The following INPP4A variants were observed in gnomAD, a reference collection of about 807,000 sequenced individuals.
INPP4A encodes inositol polyphosphate-4-phosphatase, type I, 107kD.
In INPP4A, 33 loss-of-function variants were observed where a neutral mutation model predicts 119.8. That is an observed-to-expected ratio of 0.28 (90% CI 0.21 to 0.37). The LOEUF (loss-of-function observed/expected upper bound fraction) is 0.37. Ranked by LOEUF, INPP4A falls within the 10% of genes least tolerant of loss-of-function variation. INPP4A has a pLI of 1.00. For missense variants in INPP4A, 956 were observed against 1,289.9 expected (o/e 0.74, Z 3.97); for synonymous variants, 496 against 500.7 (o/e 0.99, Z 0.12).
intron 1 of INPP4A, among the ~76,000 whole-genome samples, chr2:98,485,324 G>A (rs1679315324): frequency 6.6e-6 from 1 of 152,228 alleles, no homozygotes; most frequent in Non-Finnish European, 1.5e-5. Context: ...CAGGTGAAAA[G>A]GCAGGATGCC....
intron 4 of INPP4A, among the ~76,000 whole-genome samples, chr2:98,523,677 AGCC>A (rs1174514281): frequency 1.3e-5 from 2 of 152,194 alleles, no homozygotes; most frequent in Non-Finnish European, 2.9e-5. Context: ...TACAGGCGTG[AGCC>A]ACCGCGCCTG....
intron 24 of INPP4A, 125 bp downstream of exon 24, chr2:98,577,268 C>G (rs1224350564): frequency 5.8e-6 from 6 of 1,032,898 alleles, no homozygotes; most frequent in Non-Finnish European, 1.4e-6. Context: ...AGCCTTCACA[C>G]TTGAGTTTGA....
At position 98,444,961 on chromosome 2, in the gene INPP4A, C is replaced by G. The variant is rs1439851372; in HGVS notation, c.-290C>G. On this transcript the variant is annotated 5_prime_UTR_variant, in exon 1 of 25. Transcript: ENST00000409851. ...GTGGGCCGGGGCAGGAGGACCAGCA[C>G]CTGAGGCCGGGCCCGCAGCCCGCGA... 1 of 150,670 alleles carries G rather than the reference C, an allele frequency of 6.6e-6. No individual in the cohort carries two copies. Among genetic ancestry groups the G allele is most frequent in the Admixed American group, 6.6e-5 (1 of 15,138 alleles). The allele number at this position is 150,670 out of a possible 1,614,324, so 9.3% of individuals were successfully genotyped here. A position where few individuals can be genotyped will look rare whatever the true frequency, so the allele number is the denominator to read the frequency against.
chr2:98,544,153 T>C (rs992380924), intron 11 of INPP4A, 146 bp downstream of exon 11: 6 of 667,282 alleles, frequency 9.0e-6, no homozygotes, highest in Non-Finnish European at 1.2e-5. Context: ...ACAGACACTT[T>C]AATGGATTTT....
rs80264722 is a variant in INPP4A, at chr2:98,559,306, T to C, written c.1823-157T>C. The stretch of plus-strand genomic sequence containing the variant: ...GCAGCCAGAGTACTTTCGTGAGCCT[T>C]CTTGGGGAAGAGGCAGCCAGGCACC... On this transcript the variant is annotated intron_variant, in intron 16 of 24. Transcript: ENST00000409851. Among the ~76,000 whole-genome samples, 102 of 152,286 alleles carry C rather than the reference T, an allele frequency of 6.7e-4. 2 individuals carry two copies. The East Asian group carries it at 0.01, about 16-fold the overall frequency.
intron 4 of INPP4A, among the ~76,000 whole-genome samples, chr2:98,529,489 C>G (rs1205567913): frequency 6.6e-6 from 1 of 152,086 alleles, no homozygotes; most frequent in Non-Finnish European, 1.5e-5. Flanking sequence ...GTAATCCCAG[C>G]ACTTTGGAGG....
At chr2:98,455,158 C>T (rs1303756643) in intron 1 of INPP4A, among the ~76,000 whole-genome samples, 1 of 152,076 alleles carries the variant, frequency 6.6e-6, no homozygotes, top group Non-Finnish European at 1.5e-5. Context: ...AGCAACAAAG[C>T]AAGACCTTGT....
At chr2:98,456,543 T>C (rs965165931) in intron 1 of INPP4A, among the ~76,000 whole-genome samples, 6 of 152,212 alleles carry the variant, frequency 3.9e-5, no homozygotes, top group African/African-American at 1.4e-4. Context: ...CTTGTTGTGT[T>C]GCTCAGGCTG....
intron 13 of INPP4A, among the ~76,000 whole-genome samples, chr2:98,549,710 C>T (rs987519492): frequency 3.9e-5 from 6 of 152,264 alleles, no homozygotes; most frequent in Admixed American, 3.9e-4. Flanking sequence ...GTGTCAGGCT[C>T]TGCTGGTGGC....
intron 4 of INPP4A, among the ~76,000 whole-genome samples, chr2:98,523,685 C>T (rs1030104676): frequency 1.5e-4 from 23 of 152,120 alleles, no homozygotes; most frequent in African/African-American, 1.9e-4. Flanking sequence ...TGAGCCACCG[C>T]GCCTGGCCAC....
At chr2:98,514,998 A>T (rs902310450) in intron 1 of INPP4A, among the ~76,000 whole-genome samples, 2 of 151,886 alleles carry the variant, frequency 1.3e-5, no homozygotes, top group Admixed American at 1.3e-4. Flanking sequence ...CTGAGCATGC[A>T]GAGGTTCCCG....
At chr2:98,567,784 G>A (rs911814228) in intron 21 of INPP4A, among the ~76,000 whole-genome samples, 1 of 152,178 alleles carries the variant, frequency 6.6e-6, no homozygotes. Flanking sequence ...GTCAGGGATG[G>A]CCCCCAAGGG....
intron 22 of INPP4A, among the ~76,000 whole-genome samples, chr2:98,571,257 A>T (rs1218954904): frequency 1.3e-5 from 2 of 152,204 alleles, no homozygotes; most frequent in East Asian, 3.9e-4. Flanking sequence ...TTTCACACCC[A>T]CTTGGCAGGT....
At chr2:98,472,254 C>T (rs1212351128) in intron 1 of INPP4A, among the ~76,000 whole-genome samples, 1 of 152,184 alleles carries the variant, frequency 6.6e-6, no homozygotes, top group Non-Finnish European at 1.5e-5. Flanking sequence ...GGGGGAAGGG[C>T]ACAAGGTACA....
chr2:98,549,832 A>G (rs1230250496), intron 13 of INPP4A, among the ~76,000 whole-genome samples: 1 of 152,040 alleles, frequency 6.6e-6, no homozygotes, highest in Non-Finnish European at 1.5e-5. Flanking sequence ...GGGAGGGAGG[A>G]GGGCATCTAG....
intron 1 of INPP4A, among the ~76,000 whole-genome samples, chr2:98,465,982 C>G (rs548912755): frequency 6.6e-6 from 1 of 152,224 alleles, no homozygotes; most frequent in Non-Finnish European, 1.5e-5. Context: ...AGTCTCACTC[C>G]AGCCCTCCCC....
rs1697177505 is a variant in INPP4A at position 98,570,034 on chromosome 2, C to G, written c.2518+1366C>G. Among the ~76,000 whole-genome samples the G allele has an allele frequency of 6.6e-6, 1 of 152,038 alleles. No individual in the cohort carries two copies. Among genetic ancestry groups the G allele is most frequent in the Non-Finnish European group, 1.5e-5 (1 of 67,996 alleles). Reference sequence around the variant, plus strand: ...CCTCAGCGGCCACGTGCAGCTGGCGCTGGGGAGGTGAGGGCTGTGTCTGCT... The same window carrying G: ...CCTCAGCGGCCACGTGCAGCTGGCGGTGGGGAGGTGAGGGCTGTGTCTGCT... On this transcript the variant is annotated intron_variant, in intron 22 of 24. Transcript: ENST00000409851. This position sits in a 1 kb window ranked among gnomAD's most constrained non-coding sequence, Gnocchi z 4.3.
intron 24 of INPP4A, chr2:98,581,765 A>T: frequency 6.2e-7 from 1 of 1,607,240 alleles, no homozygotes; most frequent in East Asian, 2.2e-5. Context: ...GAATATCATT[A>T]TGAAAAATTA....
chr2:98,513,855 G>C (rs553500744), intron 1 of INPP4A, among the ~76,000 whole-genome samples: 88 of 152,292 alleles, frequency 5.8e-4, no homozygotes, highest in African/African-American at 2.1e-3. Context: ...TACTTACCCT[G>C]TGCCCATCCC....
Sources: allele counts gnomAD v4.1 joint callset (sites outside exome capture counted in the v4.1 genomes callset), GRCh38; gene constraint gnomAD v4.1.1; non-coding constraint Gnocchi (gnomAD v3.1); transcripts MANE v1.5; gene names NCBI Gene and HGNC (gene_info 2026-07-23, HGNC 2026-07-21).